The following IGFL2 variants were observed in gnomAD, a reference collection of about 807,000 sequenced individuals.
IGFL2 encodes IGF like family member 2, also known as insulin growth factor-like family member 2.
Under a neutral mutation model 13.9 loss-of-function variants are expected in IGFL2, and 7 were observed. The ratio of observed to expected loss-of-function variants is 0.51; its 90% CI spans 0.29 to 0.95. IGFL2 has a LOEUF of 0.95. Among genes scored for constraint, IGFL2 ranks in the 40% least tolerant of loss-of-function variants. The pLI is 0.08. For missense variants in IGFL2, 138 were observed against 147.8 expected (o/e 0.93, Z 0.34); for synonymous variants, 55 against 55.8 (o/e 0.99, Z 0.07).
At chr19:46,166,862 A>G in the IGFL2 span, among the ~76,000 whole-genome samples, 1 of 152,268 alleles carries the variant, frequency 6.6e-6, no homozygotes, top group Non-Finnish European at 1.5e-5. Flanking sequence ...TATTCGCTGA[A>G]TAATTGCTGT....
the IGFL2 span, among the ~76,000 whole-genome samples, chr19:46,134,586 A>G: frequency 6.6e-6 from 1 of 152,222 alleles, no homozygotes; most frequent in African/African-American, 2.4e-5. Context: ...TTAGATTCTC[A>G]TATTAGATAA....
At chr19:46,186,764 A>G in the IGFL2 span, among the ~76,000 whole-genome samples, 1 of 152,082 alleles carries the variant, frequency 6.6e-6, no homozygotes. Flanking sequence ...TCTCTTTTCT[A>G]CCCTTCCCTA....
At chr19:46,188,613 G>C in the IGFL2 span, among the ~76,000 whole-genome samples, 1 of 152,116 alleles carries the variant, frequency 6.6e-6, no homozygotes, top group Non-Finnish European at 1.5e-5. Context: ...GTTCCCCGTG[G>C]GTTCTGTGTT....
chr19:46,121,227 A>G, the IGFL2 span, among the ~76,000 whole-genome samples: 1 of 149,398 alleles, frequency 6.7e-6, no homozygotes, highest in Non-Finnish European at 1.5e-5. Flanking sequence ...AAAAAAAACC[A>G]AAAAACCAAA....
intron 1 of IGFL2, chr19:46,148,908 C>A: frequency 6.5e-7 from 1 of 1,550,318 alleles, no homozygotes; most frequent in Non-Finnish European, 8.7e-7. Context: ...AGGGGATCAT[C>A]CTGCCCTCGA....
the IGFL2 span, among the ~76,000 whole-genome samples, chr19:46,168,518 G>A: frequency 3.9e-5 from 6 of 152,098 alleles, no homozygotes; most frequent in Non-Finnish European, 7.3e-5. Context: ...ATTGCCACAA[G>A]TAGCTATAAA....
chr19:46,118,467 G>T, the IGFL2 span, among the ~76,000 whole-genome samples: 371 of 152,282 alleles, frequency 2.4e-3, no homozygotes, highest in Admixed American at 5.4e-3. Flanking sequence ...GAAAGCCCCT[G>T]GGCTCCACAC....
chr19:46,180,807 T>C, the IGFL2 span, among the ~76,000 whole-genome samples: 1 of 152,166 alleles, frequency 6.6e-6, no homozygotes, highest in African/African-American at 2.4e-5. Flanking sequence ...GAACCTGAAG[T>C]CTTGATGTTC....
the IGFL2 span, among the ~76,000 whole-genome samples, chr19:46,095,030 T>C: frequency 1.3e-5 from 2 of 152,242 alleles, no homozygotes; most frequent in Non-Finnish European, 2.9e-5. Context: ...TTTATATTCC[T>C]TTGTGTATAT....
the IGFL2 span, among the ~76,000 whole-genome samples, chr19:46,100,049 C>T: frequency 6.6e-6 from 1 of 152,218 alleles, no homozygotes; most frequent in East Asian, 1.9e-4. Context: ...TTCTTGGCTT[C>T]TTTGCATTGG....
chr19:46,190,144 T>G, the IGFL2 span: 1 of 152,220 alleles, frequency 6.6e-6, no homozygotes, highest in East Asian at 1.9e-4. Context: ...ACATCATGAT[T>G]GCTCCTGAGT....
the IGFL2 span, among the ~76,000 whole-genome samples, chr19:46,200,473 C>CCTTTTCTTTTCTTCTTTTCTTTTCTTTT: frequency 1.6e-4 from 21 of 134,278 alleles, no homozygotes; most frequent in Admixed American, 1.6e-3. Context: ...CACACCTGGC[C>CCTTTTCTTTTCTTCTTTTCTTTTCTTTT]CTTTTCTTTT....
At chr19:46,103,368 G>A in the IGFL2 span, among the ~76,000 whole-genome samples, 9 of 152,186 alleles carry the variant, frequency 5.9e-5, no homozygotes, top group Admixed American at 5.2e-4. Context: ...GAGAGAGTGA[G>A]TGAGATTGAT....
chr19:46,164,694 A>T (rs931188575), downstream of IGFL2: 1 of 152,228 alleles, frequency 6.6e-6, no homozygotes, highest in Non-Finnish European at 1.5e-5. Context: ...TGCGTGAGGG[A>T]TATTTACATA....
intron 1 of IGFL2, chr19:46,149,173 CTCT>C (rs1242364209): frequency 1.5e-5 from 10 of 650,016 alleles, no homozygotes; most frequent in East Asian, 2.8e-5. Flanking sequence ...CTCTCTCTCT[CTCT>C]TCTCTCTCTC....
chr19:46,182,265 C>G, the IGFL2 span, among the ~76,000 whole-genome samples: 3 of 150,812 alleles, frequency 2.0e-5, no homozygotes, highest in South Asian at 4.2e-4. Flanking sequence ...TACCAGGAAG[C>G]CTGTGGCAGG....
the IGFL2 span, among the ~76,000 whole-genome samples, chr19:46,128,303 A>G: frequency 6.6e-6 from 1 of 152,128 alleles, no homozygotes; most frequent in African/African-American, 2.4e-5. Context: ...GGATAGTTTG[A>G]TGTACTCTCT....
chr19:46,126,117 T>G, the IGFL2 span, among the ~76,000 whole-genome samples: 2 of 151,366 alleles, frequency 1.3e-5, no homozygotes, highest in African/African-American at 4.8e-5. Context: ...AGATGCAATC[T>G]CATCACTTAG....
chr19:46,194,854 T>TATATA, the IGFL2 span, among the ~76,000 whole-genome samples: 20 of 18,774 alleles, frequency 1.1e-3, no homozygotes, highest in African/African-American at 2.0e-3. Context: ...ATATATATAT[T>TATATA]TTTTTTTTTT....
Sources: allele counts gnomAD v4.1 joint callset (sites outside exome capture counted in the v4.1 genomes callset), GRCh38; gene constraint gnomAD v4.1.1; transcripts MANE v1.5; gene names NCBI Gene and HGNC (gene_info 2026-07-23, HGNC 2026-07-21).